MYCBP2: variants seen among roughly 807,000 people sequenced by gnomAD.
MYCBP2 encodes the protein E3 ubiquitin-protein ligase MYCBP2.
MYCBP2 carries 120 observed loss-of-function variants against 525.3 expected under a neutral mutation model. That is an observed-to-expected ratio of 0.23 (90% CI 0.20 to 0.27). The LOEUF (loss-of-function observed/expected upper bound fraction) is 0.27. Among genes scored for constraint, MYCBP2 ranks in the 10% least tolerant of loss-of-function variants. The pLI is 1.00. For synonymous variants in MYCBP2, 1,894 were observed against 1,955.8 expected (o/e 0.97, Z 0.83); for missense variants, 4,149 against 5,657.1 (o/e 0.73, Z 8.55).
At chr13:77,078,681 C>T (rs527824944) in intron 66 of MYCBP2, 143 bp downstream of exon 66, 3 of 662,474 alleles carry the variant, frequency 4.5e-6, no homozygotes, top group African/African-American at 1.8e-5. Flanking sequence ...TGTTTTGGAC[C>T]ACTTGTCAAT....
rs879751958 is a variant in MYCBP2, at chr13:77,218,022, G to A, written c.2940-65C>T. ...AACTCAACTAAAATAAAAACAATAA[G>A]TAAGCAATGCAACAAGGAGTAGGAA... On this transcript the variant is annotated intron_variant, in intron 20 of 82. Coordinates refer to ENST00000544440, the MANE Select transcript of MYCBP2 (RefSeq NM_015057.5). 8.3e-6 allele frequency: 9 copies of A among 1,082,916 alleles called. No individual in the cohort carries two copies. The Admixed American group carries it at 1.9e-4, about 23-fold the overall frequency. 67.1% of individuals were successfully genotyped at this position (1,082,916 alleles called of 1,614,324 possible).
In MYCBP2 at chr13:77,071,275, A is replaced by G. The variant is rs1633533; in HGVS notation, c.11824-564T>C. Among the ~76,000 whole-genome samples the G allele has an allele frequency of 5.0e-3, 703 of 139,856 alleles. 4 individuals carry two copies. Among genetic ancestry groups the G allele is most frequent in the African/African-American group, 0.017 (626 of 36,668 alleles). 91.8% of individuals were successfully genotyped at this position (139,856 alleles called of 152,430 possible). ...TGCATGCACGTGTGTGCACACGCAC[A>G]CACACACACACACACACACACACAC... On this transcript the variant is annotated intron_variant, in intron 68 of 82. Coordinates refer to ENST00000544440, the MANE Select transcript of MYCBP2 (RefSeq NM_015057.5).
chr13:77,151,891 T>C (rs188605823), intron 46 of MYCBP2, among the ~76,000 whole-genome samples: 35 of 152,340 alleles, frequency 2.3e-4, no homozygotes, highest in African/African-American at 8.2e-4. Flanking sequence ...CAACCACAAA[T>C]GTACACACAA....
In MYCBP2 at chr13:77,093,067, C is replaced by T. The variant is rs1335802216; in HGVS notation, c.10367+98G>A. 9.0e-6 allele frequency: 11 copies of T among 1,218,416 alleles called. No individual in the cohort carries two copies. In the East Asian group the frequency reaches 2.4e-4, roughly 27 times the overall value. The allele number at this position is 1,218,416 out of a possible 1,614,324, so 75.5% of individuals were successfully genotyped here. A position where few individuals can be genotyped will look rare whatever the true frequency, so the allele number is the denominator to read the frequency against. ...TCCAGCAGTTAGCAAAACTGGCTCA[C>T]AGATGTATTAAAGAACTTCTACAGG... is the stretch of plus-strand genomic sequence containing the variant. On this transcript the variant is annotated intron_variant, in intron 59 of 82. Transcript: ENST00000544440.
rs2046088545 is a variant in MYCBP2, at chr13:77,095,385, G to C, written c.10172C>G (p.Pro3391Arg). 6.2e-7 allele frequency: 1 copy of C among 1,613,356 alleles called. No homozygotes were observed. The change falls in exon 58 of 83, where the codon CCT (proline) becomes CGT (arginine). Residue 3391 changes from proline to arginine, a missense_variant. Pro to Arg is a moderately radical substitution (Grantham distance 103). Transcript: ENST00000544440. ...GISEDLPVKM[P>R]CLYLQTLARH... is the part of the protein sequence containing the mutation. ...AGCTAATGTCTGCAGGTAGAGACAA[G>C]GCATTTTCACAGGAAGATCCTCAGA...
At chr13:77,114,906 T>G (rs1348597819) in intron 55 of MYCBP2, among the ~76,000 whole-genome samples, 2 of 151,986 alleles carry the variant, frequency 1.3e-5, no homozygotes, top group African/African-American at 2.4e-5. Flanking sequence ...AGGTAGAAAG[T>G]GATAAAATGC....
chr13:77,276,757 C>T (rs1230125202), intron 4 of MYCBP2, among the ~76,000 whole-genome samples: 2 of 150,924 alleles, frequency 1.3e-5, no homozygotes, highest in Admixed American at 6.6e-5. Context: ...GCCTCAGACT[C>T]CTGGGCTCGA....
At chr13:77,268,671 C>T (rs1362625727) in intron 7 of MYCBP2, among the ~76,000 whole-genome samples, 3 of 151,690 alleles carry the variant, frequency 2.0e-5, no homozygotes, top group Admixed American at 1.3e-4. Context: ...CCCAGCTACT[C>T]GGGAGGCTGA....
chr13:77,291,493 G>A (rs1033858453), intron 2 of MYCBP2, among the ~76,000 whole-genome samples: 10 of 152,164 alleles, frequency 6.6e-5, no homozygotes, highest in Admixed American at 1.3e-4. Context: ...TGTACAGGCC[G>A]GGTGCAGTGA....
At chr13:77,184,999 T>A in intron 32 of MYCBP2, 104 bp downstream of exon 32, 1 of 1,099,276 alleles carries the variant, frequency 9.1e-7, no homozygotes, top group East Asian at 2.6e-5. Context: ...TCCTAATTTA[T>A]CTTTTATACA....
intron 23 of MYCBP2, among the ~76,000 whole-genome samples, chr13:77,207,823 C>G (rs2063523227): frequency 6.6e-6 from 1 of 152,204 alleles, no homozygotes; most frequent in South Asian, 2.1e-4. Context: ...AACAGTTTCA[C>G]TAACTCTCTT....
intron 17 of MYCBP2, among the ~76,000 whole-genome samples, chr13:77,240,567 A>G (rs2068667742): frequency 6.6e-6 from 1 of 152,140 alleles, no homozygotes; most frequent in African/African-American, 2.4e-5. Context: ...AAGATTGTGC[A>G]GCTGCACTCC....
chr13:77,099,843 T>C (rs1298133959), intron 55 of MYCBP2: 2 of 152,062 alleles, frequency 1.3e-5, no homozygotes, highest in Non-Finnish European at 2.9e-5. Context: ...GCATTAGATG[T>C]TTCTGCATGG....
intron 23 of MYCBP2, among the ~76,000 whole-genome samples, chr13:77,207,027 G>A (rs192080162): frequency 2.7e-4 from 41 of 152,140 alleles, no homozygotes; most frequent in Admixed American, 1.9e-3. Flanking sequence ...AAATAGTAAC[G>A]TAGATTATAA....
At chr13:77,126,229 T>C in intron 53 of MYCBP2, 89 bp downstream of exon 53, 2 of 1,104,078 alleles carry the variant, frequency 1.8e-6, no homozygotes, top group Non-Finnish European at 1.3e-6. Context: ...AAACCTGTGG[T>C]AGAAATGGCA....
intron 1 of MYCBP2, among the ~76,000 whole-genome samples, chr13:77,299,865 T>A (rs2154368755): frequency 6.6e-6 from 1 of 152,310 alleles, no homozygotes; most frequent in African/African-American, 2.4e-5. Context: ...TAACATGCCT[T>A]AAATATTTAT....
At chr13:77,311,793 T>C (rs2080267834) in intron 1 of MYCBP2, among the ~76,000 whole-genome samples, 2 of 151,948 alleles carry the variant, frequency 1.3e-5, no homozygotes, top group Non-Finnish European at 2.9e-5. Flanking sequence ...CTCAAAAGTT[T>C]TATCATAATT....
chr13:77,149,061 G>A (rs2056075211), intron 47 of MYCBP2, among the ~76,000 whole-genome samples: 1 of 151,940 alleles, frequency 6.6e-6, no homozygotes, highest in South Asian at 2.1e-4. Flanking sequence ...ACTCAAATAT[G>A]TAACTCTATC....
intron 19 of MYCBP2, 90 bp downstream of exon 19, chr13:77,225,345 G>C (rs2154295889): frequency 6.5e-7 from 1 of 1,547,970 alleles, no homozygotes; most frequent in South Asian, 1.2e-5. Context: ...TTAACACACA[G>C]TTAACAGGCT....
Sources: allele counts gnomAD v4.1 joint callset (sites outside exome capture counted in the v4.1 genomes callset), GRCh38; gene constraint gnomAD v4.1.1; transcripts MANE v1.5; gene names NCBI Gene and HGNC (gene_info 2026-07-23, HGNC 2026-07-21).